Variants in RIMS2 observed in about 807,000 individuals in gnomAD.
The protein encoded by RIMS2 is regulating synaptic membrane exocytosis 2.
A neutral mutation model predicts 174.4 loss-of-function variants in RIMS2; 59 were observed. The observed-to-expected ratio is 0.34, with a 90% CI of 0.27 to 0.42. The LOEUF (loss-of-function observed/expected upper bound fraction) is 0.42. RIMS2 is among the 10% of genes least tolerant of loss of function. The pLI, the probability that RIMS2 is intolerant of heterozygous loss-of-function variation, is 1.00. For missense variants in RIMS2, 1,620 were observed against 1,666.3 expected (o/e 0.97, Z 0.48); for synonymous variants, 606 against 572.5 (o/e 1.06, Z -0.84).
At chr8:104,198,144 C>T (rs777031885) in intron 19 of RIMS2, among the ~76,000 whole-genome samples, 6 of 152,140 alleles carry the variant, frequency 3.9e-5, no homozygotes, top group Non-Finnish European at 8.8e-5. Flanking sequence ...ACAAAGGATG[C>T]GGTTCGCCTC....
intron 4 of RIMS2, among the ~76,000 whole-genome samples, chr8:103,894,369 A>G (rs1331585100): frequency 6.6e-6 from 1 of 151,768 alleles, no homozygotes; most frequent in East Asian, 1.9e-4. Context: ...TGTGAATACA[A>G]AGAAACCTCC....
chr8:104,102,357 AC>A (rs2131159937), intron 19 of RIMS2, among the ~76,000 whole-genome samples: 1 of 152,228 alleles, frequency 6.6e-6, no homozygotes, highest in South Asian at 2.1e-4. Context: ...GTTCTTCTCC[AC>A]TGGGCACAAT....
At chr8:104,164,421 A>G (rs1365442768) in intron 19 of RIMS2, among the ~76,000 whole-genome samples, 1 of 49,812 alleles carries the variant, frequency 2.0e-5, no homozygotes, top group African/African-American at 1.1e-4. Flanking sequence ...CCAAAAAAAT[A>G]AGGACAAAAA....
intron 19 of RIMS2, chr8:104,094,388 CCTTT>C (rs1321943312): frequency 1.9e-5 from 11 of 564,990 alleles, no homozygotes; most frequent in Non-Finnish European, 3.4e-5. Flanking sequence ...GTTTTTATTA[CCTTT>C]CTGTTTAATT....
Position 104,021,768 on chromosome 8 carries a change from G to A in RIMS2, c.3334+7153G>A, listed in dbSNP as rs149645566. Among the ~76,000 whole-genome samples the A allele has an allele frequency of 2.2e-3, 330 of 152,124 alleles. 1 individual carries two copies. The highest frequency in any genetic ancestry group is 3.5e-3 in the Non-Finnish European group (236 of 68,014). The stretch of plus-strand genomic sequence containing the variant: ...CCATGACAGATTCTTCCTGCCTCCC[G>A]CACAGACAAAACCAGTTCATTAAGA... On this transcript the variant is annotated intron_variant, in intron 19 of 23. Coordinates refer to ENST00000504942, the Ensembl canonical transcript of RIMS2.
intron 3 of RIMS2, among the ~76,000 whole-genome samples, chr8:103,822,870 A>G (rs894549974): frequency 1.3e-5 from 2 of 152,012 alleles, no homozygotes; most frequent in Non-Finnish European, 2.9e-5. Flanking sequence ...TAGTAAAAAA[A>G]TCAAGTACTG....
At chr8:103,769,819 T>G (rs1254988795) in intron 3 of RIMS2, among the ~76,000 whole-genome samples, 1 of 152,178 alleles carries the variant, frequency 6.6e-6, no homozygotes, top group Non-Finnish European at 1.5e-5. Context: ...ACTAATAAAT[T>G]CGTGCTTAAT....
At chr8:103,798,370 C>T (rs570097479) in intron 3 of RIMS2, among the ~76,000 whole-genome samples, 1 of 151,870 alleles carries the variant, frequency 6.6e-6, no homozygotes, top group Non-Finnish European at 1.5e-5. Context: ...TTGTTAAAAC[C>T]AACTAAATTT....
chr8:103,856,811 G>GTT lies in RIMS2; in HGVS notation c.699-28479_699-28478dup, dbSNP rs560595152. On this transcript the variant is annotated intron_variant, in intron 3 of 23. Coordinates refer to ENST00000504942, the Ensembl canonical transcript of RIMS2. ...AGATAACTCAGTTATCTTTTTTTTT[G>GTT]TTTTTTTTTCTTTGAGAAGGAGTCT... Among the ~76,000 whole-genome samples, 542 of 148,146 alleles carry GTT rather than the reference G, an allele frequency of 3.7e-3. 3 individuals are homozygous for GTT. The highest frequency in any genetic ancestry group is 0.013 in the African/African-American group (523 of 40,348).
chr8:103,638,464 CTAAT>C (rs2096143184), intron 1 of RIMS2, among the ~76,000 whole-genome samples: 4 of 152,070 alleles, frequency 2.6e-5, no homozygotes, highest in South Asian at 4.1e-4. Flanking sequence ...GCCGTCTTCT[CTAAT>C]TATTTATTTA....
intron 3 of RIMS2, among the ~76,000 whole-genome samples, chr8:103,822,348 A>G (rs1446024575): frequency 2.6e-5 from 4 of 151,844 alleles, no homozygotes; most frequent in South Asian, 2.1e-4. Flanking sequence ...AAAATCTTCC[A>G]TAACAACTGC....
At chr8:104,204,392 G>A (rs907512597) in intron 19 of RIMS2, among the ~76,000 whole-genome samples, 3 of 151,812 alleles carry the variant, frequency 2.0e-5, no homozygotes, top group African/African-American at 7.2e-5. Flanking sequence ...GCCAAGCTTA[G>A]TTTTACTTAA....
intron 19 of RIMS2, among the ~76,000 whole-genome samples, chr8:104,230,760 C>T (rs909225913): frequency 3.3e-5 from 5 of 152,008 alleles, no homozygotes; most frequent in African/African-American, 9.7e-5. Flanking sequence ...GGGAATAAAA[C>T]GAAAGGGAAA....
chr8:103,721,371 T>A (rs2097445913), intron 2 of RIMS2, among the ~76,000 whole-genome samples: 1 of 152,140 alleles, frequency 6.6e-6, no homozygotes, highest in African/African-American at 2.4e-5. Context: ...AGGTCTCCTA[T>A]AAAAAGGGAT....
At chr8:103,788,385 T>TC (rs2098463760) in intron 3 of RIMS2, among the ~76,000 whole-genome samples, 1 of 145,348 alleles carries the variant, frequency 6.9e-6, no homozygotes, top group Non-Finnish European at 1.5e-5. Context: ...TTCTGTTTTT[T>TC]CCCCATCTTT....
At chr8:103,619,737 T>C (rs75365071) in intron 1 of RIMS2, among the ~76,000 whole-genome samples, 368 of 152,208 alleles carry the variant, frequency 2.4e-3, no homozygotes, top group African/African-American at 8.6e-3. Context: ...TTCCTTCACC[T>C]CTACCATCAG....
At chr8:104,069,555 G>A (rs536510827) in intron 19 of RIMS2, among the ~76,000 whole-genome samples, 61 of 131,990 alleles carry the variant, frequency 4.6e-4, no homozygotes, top group African/African-American at 1.5e-3. Context: ...TGCAACCTCC[G>A]CCTCCCGGGT....
At chr8:103,638,134 T>G (rs2096132789) in intron 1 of RIMS2, among the ~76,000 whole-genome samples, 1 of 152,054 alleles carries the variant, frequency 6.6e-6, no homozygotes, top group Non-Finnish European at 1.5e-5. Flanking sequence ...TAATTGTTTC[T>G]TTTTTATTTT....
intron 19 of RIMS2, among the ~76,000 whole-genome samples, chr8:104,021,817 C>T (rs866616827): frequency 2.0e-5 from 3 of 152,258 alleles, no homozygotes; most frequent in Middle Eastern, 3.4e-3. Context: ...GGCAGAATAA[C>T]GAGTTAGAGT....
Sources: allele counts gnomAD v4.1 joint callset (sites outside exome capture counted in the v4.1 genomes callset), GRCh38; gene constraint gnomAD v4.1.1; transcripts MANE v1.5; gene names NCBI Gene and HGNC (gene_info 2026-07-23, HGNC 2026-07-21).